ANKRD36C: variants seen among roughly 807,000 people sequenced by gnomAD.
ANKRD36C encodes ankyrin repeat domain-containing protein 36C.
Under a neutral mutation model 276.4 loss-of-function variants are expected in ANKRD36C, and 61 were observed. The observed-to-expected ratio is 0.22, with a 90% CI of 0.18 to 0.27. The LOEUF (loss-of-function observed/expected upper bound fraction) is 0.27. ANKRD36C is among the 10% of genes least tolerant of loss of function. ANKRD36C has a pLI of 1.00. For synonymous variants in ANKRD36C, 483 were observed against 680.1 expected, an observed-to-expected ratio of 0.71 and a Z score of 4.51; for missense variants, 1,447 against 2,032.3, an observed-to-expected ratio of 0.71 and a Z score of 5.54.
intron 42 of ANKRD36C, among the ~76,000 whole-genome samples, chr2:95,902,357 T>G (rs1437484238): frequency 2.0e-5 from 3 of 149,702 alleles, no homozygotes; most frequent in African/African-American, 7.3e-5. Flanking sequence ...GTGAGTTCAC[T>G]CAGGTTTTCT....
At chr2:95,913,107 A>G (rs1156305647) in intron 40 of ANKRD36C, among the ~76,000 whole-genome samples, 1 of 149,632 alleles carries the variant, frequency 6.7e-6, no homozygotes, top group Non-Finnish European at 1.5e-5. Flanking sequence ...ACCAAAGGAT[A>G]ATATATTAGC....
At chr2:95,897,805 T>C (rs1254521767) in intron 44 of ANKRD36C, among the ~76,000 whole-genome samples, 1 of 146,474 alleles carries the variant, frequency 6.8e-6, no homozygotes, top group Non-Finnish European at 1.5e-5. Flanking sequence ...AGAATCAATG[T>C]CAAAGCAGGT....
At chr2:95,892,043 C>G (rs577077694) in intron 44 of ANKRD36C, among the ~76,000 whole-genome samples, 183 bp from the exon 65 acceptor site, 4 of 151,644 alleles carry the variant, frequency 2.6e-5, no homozygotes, top group Admixed American at 6.6e-5. Context: ...GGAATACAGG[C>G]TCCATGAAAT....
At chr2:95,967,450 G>T (rs530571028) in intron 6 of ANKRD36C, among the ~76,000 whole-genome samples, 1 of 152,090 alleles carries the variant, frequency 6.6e-6, no homozygotes, top group Non-Finnish European at 1.5e-5. Context: ...ACCATCTCAC[G>T]CCATTTAGAA....
chr2:95,955,950 T>A (rs1470425057), intron 13 of ANKRD36C, among the ~76,000 whole-genome samples: 1 of 151,852 alleles, frequency 6.6e-6, no homozygotes, highest in Non-Finnish European at 1.5e-5. Flanking sequence ...AAAGAAGGTC[T>A]TAAACCCTAA....
At chr2:95,909,088 G>C (rs1676837760) in intron 42 of ANKRD36C, among the ~76,000 whole-genome samples, 1 of 149,914 alleles carries the variant, frequency 6.7e-6, no homozygotes, top group Admixed American at 6.7e-5. Flanking sequence ...CAAATTAAAA[G>C]GATTTACACC....
At chr2:95,873,770 T>C (rs1019702147) in intron 59 of ANKRD36C, among the ~76,000 whole-genome samples, 4 of 152,220 alleles carry the variant, frequency 2.6e-5, no homozygotes, top group Non-Finnish European at 5.9e-5. Flanking sequence ...ATTGTATAAC[T>C]AGAAAACCCC....
chr2:95,925,451 C>T, intron 29 of ANKRD36C, 27 bp from the exon 30 acceptor site: 2 of 1,547,916 alleles, frequency 1.3e-6, no homozygotes, highest in East Asian at 2.4e-5. Context: ...ACAAAATAGT[C>T]AATACATAAT....
At chr2:95,979,508 T>G (rs1459874297) in intron 5 of ANKRD36C, among the ~76,000 whole-genome samples, 2 of 151,912 alleles carry the variant, frequency 1.3e-5, no homozygotes, top group African/African-American at 4.8e-5. Context: ...AAACTTGAGA[T>G]GGTGATGCAA....
At chr2:95,950,835 C>T in intron 15 of ANKRD36C, 56 bp from the exon 16 acceptor site, 12 of 1,506,560 alleles carry the variant, frequency 8.0e-6, no homozygotes, top group Admixed American at 2.1e-5. Flanking sequence ...CTATAGAATA[C>T]TAAAAACATA....
chr2:95,893,482 C>A, intron 44 of ANKRD36C, 51 bp downstream of exon 64: 3 of 1,532,418 alleles, frequency 2.0e-6, no homozygotes, highest in Non-Finnish European at 1.8e-6. Flanking sequence ...GGGAAGGGAA[C>A]TTCTTATCTA....
intron 59 of ANKRD36C, among the ~76,000 whole-genome samples, chr2:95,871,118 C>A (rs981875670): frequency 6.6e-6 from 1 of 152,072 alleles, no homozygotes; most frequent in Non-Finnish European, 1.5e-5. Context: ...GAGAATTTCC[C>A]CAATCTAGCA....
At chr2:95,867,617 A>C in intron 59 of ANKRD36C, 36 bp from the exon 80 acceptor site, 1 of 1,375,258 alleles carries the variant, frequency 7.3e-7, no homozygotes, top group Non-Finnish European at 1.0e-6. Context: ...AAATGTCCCC[A>C]AAATATTTAT....
In ANKRD36C at chr2:95,914,139, T is replaced by C. The variant is rs1281389540; in HGVS notation, c.2520A>G (p.Arg840=). ...TAGTTTTTTCTCCATCCTCTTTTCC[T>C]CTGGCTATATTCAAAACAGAATCTT... is the stretch of plus-strand genomic sequence containing the variant. The change falls in exon 40 of 67, where the codon AGA becomes AGG. Residue 840 remains arginine, a synonymous_variant. Transcript: ENST00000456556. 6.3e-6 allele frequency: 10 copies of C among 1,581,542 alleles called. No individual in the cohort carries two copies. The Admixed American group carries it at 1.1e-4, about 17-fold the overall frequency.
intron 59 of ANKRD36C, among the ~76,000 whole-genome samples, chr2:95,873,542 C>A (rs927215862): frequency 2.0e-5 from 3 of 152,168 alleles, no homozygotes; most frequent in Non-Finnish European, 4.4e-5. Context: ...CTATCTATGA[C>A]AAACCCACAG....
intron 59 of ANKRD36C, among the ~76,000 whole-genome samples, chr2:95,868,936 C>G (rs1327874452): frequency 2.0e-5 from 3 of 152,300 alleles, no homozygotes; most frequent in African/African-American, 2.4e-5. Context: ...GATCCACATT[C>G]TCTCATACTT....
chr2:95,919,246 T>C (rs1677200189), intron 34 of ANKRD36C, among the ~76,000 whole-genome samples: 1 of 133,916 alleles, frequency 7.5e-6, no homozygotes, highest in African/African-American at 2.5e-5. Context: ...TTTTCCCTCC[T>C]TCCTGCCTGA....
Position 95,917,835 on chromosome 2 carries a change from A to C in ANKRD36C, c.2347+20T>G. ...TCTATCTGGATTGAACGTGACATTA[A>C]ATGTCTTTTGCAAAATTACCTGTCC... is the stretch of plus-strand genomic sequence containing the variant. On this transcript the variant is annotated intron_variant, in intron 36 of 66. Transcript: ENST00000456556. The C allele has an allele frequency of 6.3e-7, 1 of 1,585,712 alleles. No homozygotes were observed. The highest frequency in any genetic ancestry group is 8.6e-7 in the Non-Finnish European group (1 of 1,165,194).
intron 6 of ANKRD36C, among the ~76,000 whole-genome samples, chr2:95,970,099 A>C (rs1001733368): frequency 2.6e-5 from 4 of 152,116 alleles, no homozygotes; most frequent in Non-Finnish European, 5.9e-5. Context: ...AAGCACTCTA[A>C]TTCAAAAAAT....
Sources: allele counts gnomAD v4.1 joint callset (sites outside exome capture counted in the v4.1 genomes callset), GRCh38; gene constraint gnomAD v4.1.1; transcripts MANE v1.5; gene names NCBI Gene and HGNC (gene_info 2026-07-23, HGNC 2026-07-21).